The following ZNF148 variants were observed in gnomAD, a reference collection of about 807,000 sequenced individuals.
The protein encoded by ZNF148 is Beta-Enolase Repressor Factor-1.
ZNF148 carries 7 observed loss-of-function variants against 67.7 expected under a neutral mutation model. That is an observed-to-expected ratio of 0.10 (90% CI 0.06 to 0.19). ZNF148 has a LOEUF of 0.19. ZNF148 is among the 10% of genes least tolerant of loss of function. The probability of loss-of-function intolerance (pLI) is 1.00; values close to 1 mark genes in which losing one functional copy is unlikely to be tolerated. For synonymous variants in ZNF148, 333 were observed against 330.7 expected, an observed-to-expected ratio of 1.01 and a Z score of -0.08; for missense variants, 583 against 947.1, an observed-to-expected ratio of 0.62 and a Z score of 5.05.
chr3:125,312,639 C>T (rs1940277155), intron 4 of ZNF148, among the ~76,000 whole-genome samples: 1 of 151,930 alleles, frequency 6.6e-6, no homozygotes, highest in African/African-American at 2.4e-5. Flanking sequence ...ATATTAAAGT[C>T]CTAAAGCAAA....
At chr3:125,330,138 G>A (rs1579821870) in intron 2 of ZNF148, among the ~76,000 whole-genome samples, 1 of 152,130 alleles carries the variant, frequency 6.6e-6, no homozygotes. Flanking sequence ...TATGGCTTCT[G>A]AAACTCCAAA....
chr3:125,269,659 G>A (rs1937631125), intron 7 of ZNF148, among the ~76,000 whole-genome samples: 1 of 152,052 alleles, frequency 6.6e-6, no homozygotes, highest in African/African-American at 2.4e-5. Context: ...GCACTCATAC[G>A]TTTATGGCAG....
chr3:125,244,076 A>G (rs560793227), intron 7 of ZNF148, among the ~76,000 whole-genome samples: 17 of 152,282 alleles, frequency 1.1e-4, no homozygotes, highest in African/African-American at 4.1e-4. Context: ...CAGGAAAGCA[A>G]TAACACGGTA....
chr3:125,258,636 C>T (rs574328752), intron 7 of ZNF148, among the ~76,000 whole-genome samples: 22 of 152,030 alleles, frequency 1.4e-4, no homozygotes, highest in Non-Finnish European at 2.5e-4. Context: ...ACAAATTAAT[C>T]ATATGTTAAA....
chr3:125,291,014 A>G (rs1195688459), intron 4 of ZNF148, among the ~76,000 whole-genome samples: 2 of 152,170 alleles, frequency 1.3e-5, no homozygotes, highest in Non-Finnish European at 1.5e-5. Context: ...CGATGTAACA[A>G]ATATAAATTG....
Position 125,241,248 on chromosome 3 carries a change from G to A in ZNF148, c.668-6919C>T, listed in dbSNP as rs140203029. On this transcript the variant is annotated intron_variant, in intron 7 of 8. Coordinates refer to ENST00000360647, the MANE Select transcript of ZNF148 (RefSeq NM_021964.3). ...ATGTCTTCCTCCTATCTTTGGCCCCGACAAAGGTAACTACATTTATTTGTT... is the reference window on the plus strand; with the variant it reads ...ATGTCTTCCTCCTATCTTTGGCCCCAACAAAGGTAACTACATTTATTTGTT... Among the ~76,000 whole-genome samples, 56 of 151,202 alleles carry A rather than the reference G, an allele frequency of 3.7e-4. 2 individuals are homozygous for A. Among genetic ancestry groups the A allele is most frequent in the African/African-American group, 9.7e-4 (40 of 41,308 alleles).
intron 1 of ZNF148, chr3:125,344,564 C>T (rs1006421962): frequency 1.0e-6 from 1 of 956,766 alleles, no homozygotes; most frequent in African/African-American, 1.6e-5. Context: ...CTTCCACCTC[C>T]TCCTCCACCA....
intron 1 of ZNF148, among the ~76,000 whole-genome samples, chr3:125,369,981 T>C (rs1312672246): frequency 7.0e-6 from 1 of 143,524 alleles, no homozygotes. Flanking sequence ...AGACCCCGTC[T>C]CAAAAAAAAA....
intron 1 of ZNF148, among the ~76,000 whole-genome samples, chr3:125,363,657 C>CTT (rs34792480): frequency 6.8e-6 from 1 of 147,770 alleles, no homozygotes; most frequent in African/African-American, 2.5e-5. Context: ...ATACTTCACA[C>CTT]TTTTTTTTTT....
Position 125,344,669 on chromosome 3 carries a change from T to G in ZNF148, c.-233-13431A>C, listed in dbSNP as rs544764301. 4.5e-6 allele frequency: 3 copies of G among 662,488 alleles called. No individual in the cohort carries two copies. The East Asian group carries it at 8.2e-5, about 18-fold the overall frequency. 41.0% of individuals were successfully genotyped at this position (662,488 alleles called of 1,614,324 possible). On this transcript the variant is annotated intron_variant, in intron 1 of 8. Coordinates refer to ENST00000360647, the MANE Select transcript of ZNF148 (RefSeq NM_021964.3). ...ACATGCCTCAGCCACTTGTTTTGAT[T>G]TTCTCTCTGCTTCTTCTTTATTCTC...
Position 125,277,711 on chromosome 3 carries a change from G to A in ZNF148, c.667+15C>T, listed in dbSNP as rs1423123949. 6 of 1,596,700 alleles carry A rather than the reference G, an allele frequency of 3.8e-6. No individual in the cohort carries two copies. The East Asian group carries it at 1.4e-4, about 36-fold the overall frequency. On this transcript the variant is annotated intron_variant, in intron 7 of 8. Transcript: ENST00000360647. The stretch of plus-strand genomic sequence containing the variant: ...AATCATTTTAATGAACCTAGTAAGG[G>A]TGGTTAACACTCACCAGTATGAATC...
chr3:125,327,591 T>C (rs1273862846), intron 2 of ZNF148, among the ~76,000 whole-genome samples: 1 of 152,116 alleles, frequency 6.6e-6, no homozygotes, highest in Non-Finnish European at 1.5e-5. Context: ...GAGCCTGAGG[T>C]GGATGGATTG....
chr3:125,276,302 TAA>T (rs1350716359), intron 7 of ZNF148, among the ~76,000 whole-genome samples: 1 of 152,134 alleles, frequency 6.6e-6, no homozygotes. Flanking sequence ...CCCCTTCTAA[TAA>T]AAAGAGATGA....
chr3:125,243,510 T>G (rs1936459194), intron 7 of ZNF148, among the ~76,000 whole-genome samples: 1 of 152,142 alleles, frequency 6.6e-6, no homozygotes, highest in African/African-American at 2.4e-5. Flanking sequence ...ATGTGTGTAC[T>G]TTCGTATGTT....
chr3:125,284,857 C>T (rs1938572244), intron 5 of ZNF148, among the ~76,000 whole-genome samples: 1 of 138,158 alleles, frequency 7.2e-6, no homozygotes, highest in Non-Finnish European at 1.5e-5. Flanking sequence ...AGGCAAATTT[C>T]AAGTGTCAAA....
intron 2 of ZNF148, among the ~76,000 whole-genome samples, chr3:125,326,903 T>C (rs1213003220): frequency 6.7e-6 from 1 of 149,834 alleles, no homozygotes; most frequent in African/African-American, 2.4e-5. Context: ...GATACCAAAA[T>C]GGCAAATGTA....
At position 125,298,534 on chromosome 3, in the gene ZNF148, AAATG is replaced by A. The variant is rs533511172; in HGVS notation, c.334-10310_334-10307del. 3.0e-3 allele frequency among the ~76,000 whole-genome samples: 458 copies of A among 152,286 alleles called. 5 individuals are homozygous for A. Among genetic ancestry groups the A allele is most frequent in the South Asian group, 8.7e-3 (42 of 4,830 alleles). ...GGAAATCTCCACAAGATGCGTCATT[AAATG>A]AATAATGTAAATTTCAAATGCATAC... On this transcript the variant is annotated intron_variant, in intron 4 of 8. Coordinates refer to ENST00000360647, the MANE Select transcript of ZNF148 (RefSeq NM_021964.3).
At chr3:125,312,794 T>A (rs574035952) in intron 4 of ZNF148, among the ~76,000 whole-genome samples, 27 of 152,168 alleles carry the variant, frequency 1.8e-4, no homozygotes, top group Admixed American at 1.8e-3. Flanking sequence ...TGGGTGCTTA[T>A]GAAACATCTT....
chr3:125,319,295 G>C (rs990625048), intron 3 of ZNF148, among the ~76,000 whole-genome samples: 2 of 152,054 alleles, frequency 1.3e-5, no homozygotes, highest in Non-Finnish European at 2.9e-5. Context: ...AACAGTTTTC[G>C]GTCGGGGCTT....
Sources: allele counts gnomAD v4.1 joint callset (sites outside exome capture counted in the v4.1 genomes callset), GRCh38; gene constraint gnomAD v4.1.1; transcripts MANE v1.5; gene names NCBI Gene and HGNC (gene_info 2026-07-23, HGNC 2026-07-21).